RASA3: variants seen among roughly 807,000 people sequenced by gnomAD.
RASA3 encodes the protein RAS p21 protein activator 3.
Under a neutral mutation model 110.0 loss-of-function variants are expected in RASA3, and 73 were observed. That is an observed-to-expected ratio of 0.66 (90% CI 0.55 to 0.81). The LOEUF (loss-of-function observed/expected upper bound fraction) is 0.81, where lower values mean the gene tolerates loss of function less well. RASA3 is among the 30% of genes least tolerant of loss of function. The probability of loss-of-function intolerance (pLI) is 0.00; values close to 1 mark genes in which losing one functional copy is unlikely to be tolerated. For missense variants in RASA3, 976 were observed against 1,113.2 expected (o/e 0.88, Z 1.75); for synonymous variants, 500 against 451.4 (o/e 1.11, Z -1.37).
At chr13:114,046,997 A>G (rs985104444) in intron 3 of RASA3, among the ~76,000 whole-genome samples, 1 of 152,220 alleles carries the variant, frequency 6.6e-6, no homozygotes, top group African/African-American at 2.4e-5. Flanking sequence ...AAACCGCCAC[A>G]ACCGTGGAAT....
intron 1 of RASA3, among the ~76,000 whole-genome samples, chr13:114,078,321 TTC>T (rs1470844742): frequency 3.0e-4 from 44 of 147,578 alleles, no homozygotes; most frequent in Admixed American, 3.3e-4. Flanking sequence ...GAAACACGTT[TTC>T]TCTTTTTTTT....
chr13:114,082,132 G>C (rs973881242), intron 1 of RASA3, among the ~76,000 whole-genome samples: 4 of 152,236 alleles, frequency 2.6e-5, no homozygotes, highest in Admixed American at 2.6e-4. Flanking sequence ...ATTACTTACT[G>C]CTGAGAACTG....
At chr13:114,030,428 A>G (rs1366017911) in intron 4 of RASA3, among the ~76,000 whole-genome samples, 54 of 69,786 alleles carry the variant, frequency 7.7e-4, no homozygotes, top group African/African-American at 2.0e-3. Flanking sequence ...ACTCACACAG[A>G]GGGCAAGGCT....
intron 9 of RASA3, 79 bp downstream of exon 9, chr13:114,021,325 G>A (rs1176186839): frequency 7.7e-7 from 1 of 1,306,022 alleles, no homozygotes; most frequent in Non-Finnish European, 1.1e-6. Flanking sequence ...TGTGGCCTCT[G>A]TGCCTTTCCA....
intron 4 of RASA3, among the ~76,000 whole-genome samples, chr13:114,039,689 G>C (rs1186229488): frequency 2.3e-5 from 3 of 129,940 alleles, no homozygotes; most frequent in Non-Finnish European, 3.1e-5. Flanking sequence ...GACCCCCACT[G>C]CTCCCTCTGT....
At chr13:114,063,410 C>T (rs895228791) in intron 2 of RASA3, among the ~76,000 whole-genome samples, 1 of 150,194 alleles carries the variant, frequency 6.7e-6, no homozygotes, top group African/African-American at 2.4e-5. Flanking sequence ...ACTATAATGA[C>T]TCATTATATT....
At chr13:114,060,000 G>A (rs866649919) in intron 2 of RASA3, among the ~76,000 whole-genome samples, 12 of 152,274 alleles carry the variant, frequency 7.9e-5, no homozygotes, top group Admixed American at 2.0e-4. Context: ...GCTTACGGAC[G>A]AGTGAGCGCT....
intron 21 of RASA3, among the ~76,000 whole-genome samples, 196 bp downstream of exon 21, chr13:113,996,335 C>T (rs1316616712): frequency 6.6e-6 from 1 of 152,210 alleles, no homozygotes; most frequent in Non-Finnish European, 1.5e-5. Context: ...TGCGCAGAGC[C>T]TTCCAGAGGC....
intron 2 of RASA3, among the ~76,000 whole-genome samples, chr13:114,066,066 C>A (rs1184825542): frequency 6.6e-6 from 1 of 151,752 alleles, no homozygotes; most frequent in Non-Finnish European, 1.5e-5. Flanking sequence ...AGGCACGCCA[C>A]ACACCACACG....
chr13:114,123,156 T>C (rs2080401712), intron 1 of RASA3, among the ~76,000 whole-genome samples: 1 of 152,164 alleles, frequency 6.6e-6, no homozygotes, highest in Non-Finnish European at 1.5e-5. Context: ...ACATGTGTCC[T>C]GCACAGTCAC....
intron 2 of RASA3, among the ~76,000 whole-genome samples, chr13:114,071,788 G>A (rs1423841955): frequency 6.6e-6 from 1 of 152,328 alleles, no homozygotes; most frequent in Non-Finnish European, 1.5e-5. Context: ...GGAGTGATAT[G>A]AGCCCCAGTC....
intron 2 of RASA3, among the ~76,000 whole-genome samples, chr13:114,070,240 A>C: frequency 7.3e-6 from 1 of 136,298 alleles, no homozygotes; most frequent in Non-Finnish European, 1.6e-5. Context: ...AGACTCGGGG[A>C]CCAGGAGACT....
chr13:114,102,190 T>G (rs1332975506), intron 1 of RASA3, among the ~76,000 whole-genome samples: 1 of 151,990 alleles, frequency 6.6e-6, no homozygotes, highest in African/African-American at 2.4e-5. Context: ...AGACGGGGGC[T>G]GTGAAGCACA....
At chr13:114,089,283 G>A (rs1043295437) in intron 1 of RASA3, among the ~76,000 whole-genome samples, 2 of 139,628 alleles carry the variant, frequency 1.4e-5, no homozygotes, top group East Asian at 4.7e-4. Context: ...GAGACGAGGG[G>A]AGACGAGCGG....
intron 2 of RASA3, among the ~76,000 whole-genome samples, chr13:114,062,469 C>T (rs1257540840): frequency 6.6e-6 from 1 of 152,156 alleles, no homozygotes; most frequent in African/African-American, 2.4e-5. Context: ...AACAGGCTGG[C>T]GGTTCCTCCG....
chr13:114,037,633 C>G (rs576504301), intron 4 of RASA3, among the ~76,000 whole-genome samples: 1 of 152,288 alleles, frequency 6.6e-6, no homozygotes, highest in Admixed American at 6.5e-5. Flanking sequence ...AATGCTATAC[C>G]ACTGAATTGG....
At chr13:114,023,295 T>C (rs1398769531) in intron 8 of RASA3, among the ~76,000 whole-genome samples, 1 of 150,884 alleles carries the variant, frequency 6.6e-6, no homozygotes, top group African/African-American at 2.5e-5. Context: ...CATCCCAGGC[T>C]TGGGGGCATC....
chr13:114,101,091 A>G (rs2080055111), intron 1 of RASA3, among the ~76,000 whole-genome samples: 1 of 152,168 alleles, frequency 6.6e-6, no homozygotes, highest in Non-Finnish European at 1.5e-5. Context: ...CCACACCCAC[A>G]TGGATGGCCT....
chr13:114,062,924 G>A (rs978385348), intron 2 of RASA3, among the ~76,000 whole-genome samples: 1 of 152,234 alleles, frequency 6.6e-6, no homozygotes, highest in Non-Finnish European at 1.5e-5. Flanking sequence ...TGGGCCAGAC[G>A]CTTCCACTGA....
Sources: allele counts gnomAD v4.1 joint callset (sites outside exome capture counted in the v4.1 genomes callset), GRCh38; gene constraint gnomAD v4.1.1; transcripts MANE v1.5; gene names NCBI Gene and HGNC (gene_info 2026-07-23, HGNC 2026-07-21).